Variants in LGI3 observed in about 807,000 individuals in gnomAD.
The protein encoded by LGI3 is leucine rich repeat LGI family member 3.
LGI3 carries 47 observed loss-of-function variants against 55.4 expected under a neutral mutation model. The observed-to-expected ratio is 0.85, with a 90% CI of 0.67 to 1.08. LGI3 has a LOEUF of 1.08. LGI3 is among the 50% of genes least tolerant of loss of function. LGI3 has a pLI of 0.00. For synonymous variants in LGI3, 326 were observed against 315.0 expected (o/e 1.04, Z -0.37); for missense variants, 664 against 726.3 (o/e 0.91, Z 0.99).
In LGI3 at chr8:22,155,330, G is replaced by C. The variant is rs1364475777; in HGVS notation, c.278+62C>G. 3 of 1,500,546 alleles carry C rather than the reference G, an allele frequency of 2.0e-6. No homozygotes were observed. In the African/African-American group the frequency reaches 4.1e-5, roughly 21 times the overall value. The allele number at this position is 1,500,546 out of a possible 1,614,324, so 93.0% of individuals were successfully genotyped here. On this transcript the variant is annotated intron_variant, in intron 2 of 7. Coordinates refer to ENST00000306317, the MANE Select transcript of LGI3 (RefSeq NM_139278.4). ...GTCCACTCTCCCTCTCCCCAGCCCA[G>C]GATTTGTCCCCTGCTACCACCCCAT...
Position 22,156,562 on chromosome 8 carries a change from T to A in LGI3, c.-20A>T. The A allele has an allele frequency of 9.5e-7, 1 of 1,050,416 alleles. No individual in the cohort carries two copies. Among genetic ancestry groups the A allele is most frequent in the Non-Finnish European group, 1.2e-6 (1 of 820,682 alleles). 65.1% of individuals were successfully genotyped at this position (1,050,416 alleles called of 1,614,324 possible). On this transcript the variant is annotated 5_prime_UTR_variant, in exon 1 of 8. Transcript: ENST00000306317. ...CGCCATGCTGCCCGCGATCTCTCCCTGGGGCCGGCGGCCGCGGCCCCCGCC... is the reference window on the plus strand; with the variant it reads ...CGCCATGCTGCCCGCGATCTCTCCCAGGGGCCGGCGGCCGCGGCCCCCGCC...
rs771238538 is a variant in LGI3, at chr8:22,151,818, G to A, written c.664+13C>T. On this transcript the variant is annotated intron_variant, in intron 6 of 7. Coordinates refer to ENST00000306317, the MANE Select transcript of LGI3 (RefSeq NM_139278.4). ...AGGCGTGGACTGACACCCAAGGCAG[G>A]GGCACCTCCTACCTGTGGTGATGCA... 1.9e-5 allele frequency: 31 copies of A among 1,595,488 alleles called. No homozygotes were observed. Among genetic ancestry groups the A allele is most frequent in the Middle Eastern group, 1.8e-4 (1 of 5,608 alleles).
chr8:22,148,537 G>A lies in LGI3; in HGVS notation c.1270C>T (p.Gln424Ter). Reference protein sequence around the residue: ...QGEVTQVPDAQAVKHFRAGRD... With the variant: ...QGEVTQVPDA ...CCGGCACGAAAGTGTTTCACAGCTT[G>A]GGCATCAGGCACCTGGGTCACCTCA... The change falls in exon 8 of 8, where the codon CAA becomes TAA. Residue 424 changes from glutamine to a stop codon, truncating the protein, a stop_gained. Transcript: ENST00000306317. LOFTEE classifies it high-confidence loss of function. The surrounding 1 kb of genome is among the most constrained non-coding windows in gnomAD (Gnocchi z 7.0). The A allele has an allele frequency of 6.2e-7, 1 of 1,613,808 alleles. No homozygotes were observed.
In LGI3 at chr8:22,151,854, C is replaced by T. The variant is rs571880878; in HGVS notation, c.641G>A (p.Arg214Gln). The T allele has an allele frequency of 1.8e-5, 29 of 1,611,286 alleles. 1 individual carries two copies. Among genetic ancestry groups the T allele is most frequent in the Middle Eastern group, 1.7e-4 (1 of 5,988 alleles). Residue 214 changes from arginine to glutamine, a missense_variant, in exon 6 of 8, where the codon CGG (arginine) becomes CAG (glutamine). Coordinates refer to ENST00000306317, the MANE Select transcript of LGI3 (RefSeq NM_139278.4). ...ACCTGTGGTGATGCAATCGAACTCC[C>T]GCAGCGGCAGGTCCTGCACCTTGTG... Reference protein sequence around the residue: ...QEHKVQDLPLREFDCITTDFV... With the variant: ...QEHKVQDLPLQEFDCITTDFV...
intron 7 of LGI3, 74 bp downstream of exon 7, chr8:22,151,415 A>G (rs781022302): frequency 1.6e-4 from 226 of 1,431,400 alleles, no homozygotes; most frequent in Non-Finnish European, 2.0e-4. Context: ...CAGGAACTCA[A>G]TGGGGTTGAA....
intron 2 of LGI3, 175 bp from the exon 3 acceptor site, chr8:22,154,806 C>A (rs1827466302): frequency 1.7e-6 from 1 of 598,642 alleles, no homozygotes; most frequent in Non-Finnish European, 3.0e-6. Context: ...GGAGCCTGTT[C>A]TGGCCCCAGA....
chr8:22,150,968 T>C (rs915637762), intron 7 of LGI3, among the ~76,000 whole-genome samples: 6 of 152,106 alleles, frequency 3.9e-5, no homozygotes, highest in Admixed American at 6.6e-5. Flanking sequence ...ACTAAGTTAC[T>C]GCACACCTCC....
chr8:22,148,412 C>G lies in LGI3; in HGVS notation c.1395G>C (p.Arg465=). Residue 465 remains arginine, a synonymous_variant, in exon 8 of 8, where the codon CGG becomes CGC. Coordinates refer to ENST00000306317, the MANE Select transcript of LGI3 (RefSeq NM_139278.4). The surrounding 1 kb of genome is among the most constrained non-coding windows in gnomAD (Gnocchi z 7.0). ...RFSEVQALPS[R]GSLALQPFLV... is the part of the protein sequence containing the mutation. ...GGAAGGGCTGCAGGGCCAGCGAGCC[C>G]CGGGAGGGCAGGGCCTGCACCTCCG... 2 of 1,612,692 alleles carry G rather than the reference C, an allele frequency of 1.2e-6. No homozygotes were observed. The highest frequency in any genetic ancestry group is 1.7e-4 in the Middle Eastern group (1 of 6,056).
intron 5 of LGI3, among the ~76,000 whole-genome samples, chr8:22,152,319 T>C (rs1827389763): frequency 6.6e-6 from 1 of 152,230 alleles, no homozygotes. Flanking sequence ...AGGCTTTTAT[T>C]TTCTTATAAA....
At position 22,148,358 on chromosome 8, in the gene LGI3, C is replaced by T; in HGVS notation, c.1449G>A (p.Leu483=). The change falls in exon 8 of 8, where the codon CTG becomes CTA. Residue 483 remains leucine, a synonymous_variant. Transcript: ENST00000306317. This position sits in a 1 kb window ranked among gnomAD's most constrained non-coding sequence, Gnocchi z 7.0. ...TCTGGGTGAAGGAGAAATCACTGCC[C>T]AGTGCCAGGTAGCGGCGGCCACCCA... is the stretch of plus-strand genomic sequence containing the variant. ...FLVGGRRYLA[L]GSDFSFTQIY... The T allele has an allele frequency of 6.2e-7, 1 of 1,613,930 alleles. No individual in the cohort carries two copies. The highest frequency in any genetic ancestry group is 8.5e-7 in the Non-Finnish European group (1 of 1,179,946).
chr8:22,154,671 G>A lies in LGI3; in HGVS notation c.279-40C>T, dbSNP rs1359506239. On this transcript the variant is annotated intron_variant, in intron 2 of 7. Transcript: ENST00000306317. ...GTGGAATTAGAGCTTCCAAGGGTGT[G>A]CCTGCTGCCCCAGCCCCCAGCCCGC... The A allele has an allele frequency of 2.7e-6, 4 of 1,479,782 alleles. No individual in the cohort carries two copies. In the African/African-American group the frequency reaches 4.2e-5, roughly 15 times the overall value. The allele number at this position is 1,479,782 out of a possible 1,614,324, so 91.7% of individuals were successfully genotyped here.
In LGI3 at chr8:22,155,632, T is replaced by C. The variant is rs1470639459; in HGVS notation, c.207-169A>G. 1.7e-4 allele frequency: 108 copies of C among 632,186 alleles called. 1 individual carries two copies. The East Asian group carries it at 3.0e-3, about 17-fold the overall frequency. The allele number at this position is 632,186 out of a possible 1,614,324, so 39.2% of individuals were successfully genotyped here. Reference sequence around the variant, plus strand: ...CTTTCCCTTCTCCTCCCAAATTCACTGCCTGCCTTCACCAGGGTCCTCCCC... The same window carrying C: ...CTTTCCCTTCTCCTCCCAAATTCACCGCCTGCCTTCACCAGGGTCCTCCCC... On this transcript the variant is annotated intron_variant, in intron 1 of 7. Coordinates refer to ENST00000306317, the MANE Select transcript of LGI3 (RefSeq NM_139278.4).
In LGI3 at chr8:22,155,372, C is replaced by G. The variant is rs1827473993; in HGVS notation, c.278+20G>C. 6.2e-7 allele frequency: 1 copy of G among 1,612,352 alleles called. No individual in the cohort carries two copies. The highest frequency in any genetic ancestry group is 1.1e-5 in the South Asian group (1 of 90,948). On this transcript the variant is annotated intron_variant, in intron 2 of 7. Coordinates refer to ENST00000306317, the MANE Select transcript of LGI3 (RefSeq NM_139278.4). ...CCACCCCATAGTTCCCCCAACCCTT[C>G]CACAAGGCCCTATCCATACAAGAAC... is the stretch of plus-strand genomic sequence containing the variant.
At chr8:22,149,035 AC>A in intron 7 of LGI3, 58 bp from the exon 8 acceptor site, 1 of 1,307,468 alleles carries the variant, frequency 7.6e-7, no homozygotes, top group Non-Finnish European at 1.1e-6. Flanking sequence ...ACTCCATCCA[AC>A]CCCCTTGGAG....
intron 7 of LGI3, 128 bp from the exon 8 acceptor site, chr8:22,149,105 C>T: frequency 1.6e-6 from 1 of 638,358 alleles, no homozygotes; most frequent in Non-Finnish European, 2.7e-6. Context: ...ACCATTCCAC[C>T]CACACTGAAG....
In LGI3 at chr8:22,146,895, T is replaced by TCCTG. The variant is rs1827308576; in HGVS notation, c.*1261_*1264dup. On this transcript the variant is annotated 3_prime_UTR_variant, in exon 8 of 8. Coordinates refer to ENST00000306317, the MANE Select transcript of LGI3 (RefSeq NM_139278.4). Reference sequence around the variant, plus strand: ...AGCATTGCCCCCCAGTACCCTGGTATCCTGCTACAAGGAGCATCACACCAT... The same window carrying TCCTG: ...AGCATTGCCCCCCAGTACCCTGGTATCCTGCCTGCTACAAGGAGCATCACACCAT... 1 of 152,392 alleles carries TCCTG rather than the reference T, an allele frequency of 6.6e-6. No homozygotes were observed. The highest frequency in any genetic ancestry group is 6.5e-5 in the Admixed American group (1 of 15,310). 9.4% of individuals were successfully genotyped at this position (152,392 alleles called of 1,614,324 possible).
intron 2 of LGI3, 150 bp from the exon 3 acceptor site, chr8:22,154,781 C>A: frequency 1.6e-6 from 1 of 636,974 alleles, no homozygotes; most frequent in Non-Finnish European, 2.9e-6. Flanking sequence ...GCCACCTGGG[C>A]AACAAGGCCA....
At chr8:22,151,450 C>G (rs1177906735) in intron 7 of LGI3, 39 bp downstream of exon 7, 1 of 1,605,258 alleles carries the variant, frequency 6.2e-7, no homozygotes, top group South Asian at 1.1e-5. Context: ...CCCCCCTCCC[C>G]CTAGCAAGGG....
rs765638464 is a variant in LGI3, at chr8:22,151,459, G to T, written c.829+30C>A. On this transcript the variant is annotated intron_variant, in intron 7 of 7. Transcript: ENST00000306317. ...CCCACTCCCCCCTCCCCCTAGCAAGGGCCAGCAGAACCAGATTGGGCGCAG... is the reference window on the plus strand; with the variant it reads ...CCCACTCCCCCCTCCCCCTAGCAAGTGCCAGCAGAACCAGATTGGGCGCAG... 7 of 1,610,040 alleles carry T rather than the reference G, an allele frequency of 4.3e-6. No individual in the cohort carries two copies. In the South Asian group the frequency reaches 7.7e-5, roughly 18 times the overall value.
Sources: allele counts gnomAD v4.1 joint callset (sites outside exome capture counted in the v4.1 genomes callset), GRCh38; gene constraint gnomAD v4.1.1; non-coding constraint Gnocchi (gnomAD v3.1); transcripts MANE v1.5; gene names NCBI Gene and HGNC (gene_info 2026-07-23, HGNC 2026-07-21).